The following PHACTR3 variants were observed in gnomAD, a reference collection of about 807,000 sequenced individuals.
PHACTR3 encodes phosphatase and actin regulator 3, also known as protein phosphatase 1, regulatory subunit 123.
Under a neutral mutation model 66.8 loss-of-function variants are expected in PHACTR3, and 16 were observed. That is an observed-to-expected ratio of 0.24 (90% confidence interval 0.16 to 0.36). The LOEUF (loss-of-function observed/expected upper bound fraction) is 0.36. Among genes scored for constraint, PHACTR3 ranks in the 10% least tolerant of loss-of-function variants. PHACTR3 has a pLI of 1.00. For missense variants in PHACTR3, 647 were observed against 719.9 expected, an observed-to-expected ratio of 0.90 and a Z score of 1.16; for synonymous variants, 323 against 292.1, an observed-to-expected ratio of 1.11 and a Z score of -1.08.
chr20:59,614,390 G>C (rs2033958819), intron 1 of PHACTR3, among the ~76,000 whole-genome samples: 1 of 152,260 alleles, frequency 6.6e-6, no homozygotes, highest in Non-Finnish European at 1.5e-5. Flanking sequence ...CGATGGCAGA[G>C]AATCAGCTGT....
At chr20:59,596,906 C>T (rs1007421536) in intron 1 of PHACTR3, among the ~76,000 whole-genome samples, 5 of 152,244 alleles carry the variant, frequency 3.3e-5, no homozygotes, top group African/African-American at 4.8e-5. Context: ...TGGCTTCATA[C>T]ACTACTACCT....
intron 9 of PHACTR3, 77 bp from the exon 10 acceptor site, chr20:59,840,292 A>G: frequency 6.5e-7 from 1 of 1,544,834 alleles, no homozygotes; most frequent in African/African-American, 1.4e-5. Flanking sequence ...TCTTGGGAAC[A>G]CTTCCCTGCT....
intron 1 of PHACTR3, among the ~76,000 whole-genome samples, chr20:59,708,587 C>A (rs1403487450): frequency 2.0e-5 from 3 of 152,190 alleles, no homozygotes; most frequent in African/African-American, 7.2e-5. Context: ...ATAATAGAGT[C>A]TGCTTTCGGT....
intron 8 of PHACTR3, among the ~76,000 whole-genome samples, chr20:59,831,025 C>T (rs2042355462): frequency 6.6e-6 from 1 of 152,128 alleles, no homozygotes; most frequent in Non-Finnish European, 1.5e-5. Flanking sequence ...CCCTTCCTCC[C>T]CATTGTTTGT....
chr20:59,750,490 A>G (rs890378791), intron 3 of PHACTR3, among the ~76,000 whole-genome samples: 1 of 152,186 alleles, frequency 6.6e-6, no homozygotes, highest in South Asian at 2.1e-4. Context: ...AGGAGCAGCA[A>G]GCACAAGTCC....
At chr20:59,763,624 G>T (rs141430276) in intron 4 of PHACTR3, among the ~76,000 whole-genome samples, 23 of 152,330 alleles carry the variant, frequency 1.5e-4, no homozygotes, top group Middle Eastern at 6.8e-3. Context: ...TCAGAGAAAT[G>T]GTCCAGGGTT....
intron 1 of PHACTR3, among the ~76,000 whole-genome samples, chr20:59,740,751 G>A (rs1601235588): frequency 6.6e-6 from 1 of 152,346 alleles, no homozygotes; most frequent in East Asian, 1.9e-4. Context: ...GACAGGTGCA[G>A]CCCTTTGGAA....
At chr20:59,730,599 G>A (rs1468925407) in intron 1 of PHACTR3, among the ~76,000 whole-genome samples, 1 of 152,170 alleles carries the variant, frequency 6.6e-6, no homozygotes, top group African/African-American at 2.4e-5. Context: ...CCAGGGGTTA[G>A]AAGTGAAATG....
chr20:59,740,068 G>A (rs865835106), intron 1 of PHACTR3, among the ~76,000 whole-genome samples: 4 of 152,258 alleles, frequency 2.6e-5, no homozygotes, highest in African/African-American at 9.6e-5. Context: ...CCTTAGGATA[G>A]TCCTGGCCCT....
chr20:59,693,146 A>G (rs940577220), intron 1 of PHACTR3, among the ~76,000 whole-genome samples: 32 of 152,136 alleles, frequency 2.1e-4, no homozygotes, highest in African/African-American at 6.0e-4. Flanking sequence ...GGGTCCTGAT[A>G]GTGGCTGGCT....
At chr20:59,813,583 C>T (rs182998625) in intron 8 of PHACTR3, among the ~76,000 whole-genome samples, 1 of 152,290 alleles carries the variant, frequency 6.6e-6, no homozygotes, top group East Asian at 1.9e-4. Context: ...ATTATTGTGT[C>T]TGGTGAAAGA....
At chr20:59,772,484 C>T (rs997066050) in intron 5 of PHACTR3, among the ~76,000 whole-genome samples, 6 of 152,188 alleles carry the variant, frequency 3.9e-5, no homozygotes, top group Non-Finnish European at 7.4e-5. Flanking sequence ...GGACAGGAGA[C>T]GAGGGATCTG....
chr20:59,633,753 C>T (rs1568947658), intron 1 of PHACTR3, among the ~76,000 whole-genome samples: 1 of 152,044 alleles, frequency 6.6e-6, no homozygotes, highest in African/African-American at 2.4e-5. Context: ...CTGCTAATGA[C>T]ATATTTAATT....
rs202070605 is a variant in PHACTR3, at chr20:59,701,018, C to T, written c.119-42089C>T. On this transcript the variant is annotated intron_variant, in intron 1 of 12. Coordinates refer to ENST00000371015, the MANE Select transcript of PHACTR3 (RefSeq NM_080672.5). ...CATTGCCCAGGCTGGTCTCAAACTC[C>T]TGGGCTCATGTGATCCTCCTGCCTC... is the stretch of plus-strand genomic sequence containing the variant. Among the ~76,000 whole-genome samples, 8 of 152,218 alleles carry T rather than the reference C, an allele frequency of 5.3e-5. 1 individual carries two copies. In the East Asian group the frequency reaches 1.5e-3, roughly 29 times the overall value.
intron 8 of PHACTR3, among the ~76,000 whole-genome samples, chr20:59,809,919 G>C (rs983515251): frequency 2.0e-5 from 3 of 152,134 alleles, no homozygotes; most frequent in African/African-American, 7.2e-5. Flanking sequence ...TTTATGGTTC[G>C]CACTATTTGT....
chr20:59,813,523 G>A (rs1241127170), intron 8 of PHACTR3, among the ~76,000 whole-genome samples: 1 of 152,222 alleles, frequency 6.6e-6, no homozygotes, highest in Non-Finnish European at 1.5e-5. Context: ...TAGCGTGCAC[G>A]TGCTAGGCGC....
rs753654162 is a variant in PHACTR3, at chr20:59,663,048, G to A, written c.118+57916G>A. Among the ~76,000 whole-genome samples, 102 of 152,346 alleles carry A rather than the reference G, an allele frequency of 6.7e-4. 1 individual carries two copies. The highest frequency in any genetic ancestry group is 3.4e-3 in the Middle Eastern group (1 of 294). ...AGTTTCTGGGGCAGGATGCCCCTGG[G>A]CCTCTCTAGCGTCTGGGGGCTGCAA... On this transcript the variant is annotated intron_variant, in intron 1 of 12. Transcript: ENST00000371015.
intron 8 of PHACTR3, among the ~76,000 whole-genome samples, chr20:59,811,308 C>G (rs892397460): frequency 6.6e-6 from 1 of 152,204 alleles, no homozygotes; most frequent in Non-Finnish European, 1.5e-5. Flanking sequence ...TATCAGCTGG[C>G]AACTGGGCAA....
intron 2 of PHACTR3, among the ~76,000 whole-genome samples, chr20:59,745,696 G>A (rs1291925992): frequency 6.6e-6 from 1 of 152,230 alleles, no homozygotes; most frequent in Non-Finnish European, 1.5e-5. Flanking sequence ...CGAGGCTGGG[G>A]GAACCGGCTG....
Sources: allele counts gnomAD v4.1 joint callset (sites outside exome capture counted in the v4.1 genomes callset), GRCh38; gene constraint gnomAD v4.1.1; transcripts MANE v1.5; gene names NCBI Gene and HGNC (gene_info 2026-07-23, HGNC 2026-07-21).